The following SH3RF3 variants were observed in gnomAD, a reference collection of about 807,000 sequenced individuals.
SH3RF3 encodes E3 ubiquitin-protein ligase SH3RF3.
In SH3RF3, 29 loss-of-function variants were observed where a neutral mutation model predicts 66.3. The ratio of observed to expected loss-of-function variants is 0.44; its 90% CI spans 0.33 to 0.60. The LOEUF is 0.60. SH3RF3 is among the 20% of genes least tolerant of loss of function. SH3RF3 has a pLI of 0.04. For missense variants in SH3RF3, 1,194 were observed against 1,190.9 expected (o/e 1.00, Z -0.04); for synonymous variants, 583 against 532.0 (o/e 1.10, Z -1.32).
intron 1 of SH3RF3, among the ~76,000 whole-genome samples, chr2:109,165,793 G>C (rs1677605631): frequency 1.3e-5 from 2 of 152,124 alleles, no homozygotes; most frequent in South Asian, 4.1e-4. Flanking sequence ...TTTAGCATGA[G>C]TGTGTTAAAT....
At chr2:109,371,747 T>C (rs1683277633) in intron 3 of SH3RF3, 66 bp downstream of exon 3, 1 of 1,386,290 alleles carries the variant, frequency 7.2e-7, no homozygotes, top group African/African-American at 1.4e-5. Flanking sequence ...TACAGTGGGG[T>C]CACCTGACCT....
chr2:109,179,002 A>AGTGTGTGTGTGT (rs1558942597), intron 1 of SH3RF3, among the ~76,000 whole-genome samples: 4 of 47,174 alleles, frequency 8.5e-5, no homozygotes, highest in Admixed American at 2.8e-4. Flanking sequence ...AAAGTATAAT[A>AGTGTGTGTGTGT]ATGTGTGTGT....
intron 1 of SH3RF3, among the ~76,000 whole-genome samples, chr2:109,339,205 TTTA>T (rs1282435126): frequency 1.3e-5 from 2 of 151,432 alleles, no homozygotes; most frequent in Non-Finnish European, 1.5e-5. Context: ...CGGTATAACT[TTTA>T]TTGAAAAAAA....
intron 1 of SH3RF3, among the ~76,000 whole-genome samples, chr2:109,217,766 C>G (rs926109229): frequency 1.3e-5 from 2 of 152,162 alleles, no homozygotes; most frequent in Non-Finnish European, 2.9e-5. Context: ...ATAGATCATT[C>G]TTCTCCCGCC....
intron 1 of SH3RF3, among the ~76,000 whole-genome samples, chr2:109,248,346 A>C (rs963754287): frequency 6.6e-6 from 1 of 151,972 alleles, no homozygotes; most frequent in African/African-American, 2.4e-5. Flanking sequence ...TATTCTTCTT[A>C]TTGTTTCCTG....
intron 8 of SH3RF3, among the ~76,000 whole-genome samples, chr2:109,466,334 G>T (rs931674019): frequency 6.6e-6 from 1 of 152,104 alleles, no homozygotes; most frequent in African/African-American, 2.4e-5. Flanking sequence ...GCCCGCCTCG[G>T]CCTCCCAAAG....
At chr2:109,241,976 C>T (rs1393350593) in intron 1 of SH3RF3, among the ~76,000 whole-genome samples, 2 of 151,970 alleles carry the variant, frequency 1.3e-5, no homozygotes, top group African/African-American at 4.8e-5. Context: ...TGGTGGTTTT[C>T]TTGGCCTGAC....
intron 1 of SH3RF3, among the ~76,000 whole-genome samples, chr2:109,145,759 G>A (rs1247493376): frequency 1.3e-5 from 2 of 152,198 alleles, no homozygotes; most frequent in African/African-American, 2.4e-5. Flanking sequence ...GTGAAAGGGC[G>A]GGAACCCAGG....
At chr2:109,330,759 AATAC>A (rs908305254) in intron 1 of SH3RF3, among the ~76,000 whole-genome samples, 48 of 152,296 alleles carry the variant, frequency 3.2e-4, no homozygotes, top group African/African-American at 1.1e-3. Context: ...AGATAATTCA[AATAC>A]ATACACAGAT....
chr2:109,278,351 G>T (rs1388040330), intron 1 of SH3RF3, among the ~76,000 whole-genome samples: 1 of 152,156 alleles, frequency 6.6e-6, no homozygotes, highest in Non-Finnish European at 1.5e-5. Context: ...GGGCCCAGGG[G>T]CATCCCAGTG....
rs144900241 is a variant in SH3RF3 at position 109,357,077 on chromosome 2, T to C, written c.849+9128T>C. 7.6e-3 allele frequency among the ~76,000 whole-genome samples: 1,144 copies of C among 150,992 alleles called. 17 individuals carry two copies. The highest frequency in any genetic ancestry group is 0.026 in the African/African-American group (1,082 of 41,318). ...TTTTTAAAATTTTTTTTTATTATGTTATATATAATATATATTTAATACTTA... is the reference window on the plus strand; with the variant it reads ...TTTTTAAAATTTTTTTTTATTATGTCATATATAATATATATTTAATACTTA... On this transcript the variant is annotated intron_variant, in intron 2 of 9. Transcript: ENST00000309415.
chr2:109,410,035 C>T lies in SH3RF3; in HGVS notation c.1300-9504C>T, dbSNP rs556800447. Among the ~76,000 whole-genome samples the T allele has an allele frequency of 2.6e-5, 4 of 152,332 alleles. No homozygotes were observed. In the East Asian group the frequency reaches 7.7e-4, roughly 29 times the overall value. On this transcript the variant is annotated intron_variant, in intron 4 of 9. Transcript: ENST00000309415. ...CGTACAGCCTGCCAACGCCCAGACC[C>T]TCTTTTTTCCCTTTTAGTAATCCCA...
intron 8 of SH3RF3, among the ~76,000 whole-genome samples, chr2:109,489,768 C>T (rs540175171): frequency 2.3e-4 from 35 of 152,060 alleles, no homozygotes; most frequent in South Asian, 1.2e-3. Flanking sequence ...GACGGAGTCT[C>T]GCTCTGTCAC....
intron 1 of SH3RF3, among the ~76,000 whole-genome samples, chr2:109,241,435 G>A (rs1277526215): frequency 1.3e-5 from 2 of 152,224 alleles, no homozygotes; most frequent in Non-Finnish European, 2.9e-5. Context: ...ATGGCTGGAA[G>A]AAATACTTTA....
chr2:109,335,297 G>A (rs1031172683), intron 1 of SH3RF3, among the ~76,000 whole-genome samples: 1 of 152,192 alleles, frequency 6.6e-6, no homozygotes, highest in African/African-American at 2.4e-5. Context: ...TTTCTCAGGT[G>A]TCTCTTTATC....
At chr2:109,189,367 CTT>C (rs5833320) in intron 1 of SH3RF3, among the ~76,000 whole-genome samples, 31 of 147,972 alleles carry the variant, frequency 2.1e-4, no homozygotes, top group African/African-American at 7.5e-4. Context: ...AGTCGTTTGA[CTT>C]TTTTTTTTTT....
At chr2:109,416,529 C>T (rs942150180) in intron 4 of SH3RF3, among the ~76,000 whole-genome samples, 6 of 152,064 alleles carry the variant, frequency 3.9e-5, no homozygotes, top group Non-Finnish European at 8.8e-5. Context: ...GGATTACAGG[C>T]GTGCGCCATC....
At chr2:109,304,061 AT>A (rs1681536874) in intron 1 of SH3RF3, among the ~76,000 whole-genome samples, 3 of 151,574 alleles carry the variant, frequency 2.0e-5, no homozygotes, top group Admixed American at 2.0e-4. Context: ...AGATCGCGCC[AT>A]TGCACTCCAG....
chr2:109,210,364 T>G (rs538109658), intron 1 of SH3RF3, among the ~76,000 whole-genome samples: 1 of 152,336 alleles, frequency 6.6e-6, no homozygotes, highest in South Asian at 2.1e-4. Context: ...ATCTGTGAAG[T>G]CCAAAGCGGG....
Sources: gnomAD v4.1 joint callset for allele counts (sites outside exome capture counted in the v4.1 genomes callset) on GRCh38, gnomAD v4.1.1 for gene constraint, MANE v1.5 for transcripts, NCBI Gene and HGNC (gene_info 2026-07-23, HGNC 2026-07-21) for gene names.